SOX5: variants seen among roughly 807,000 people sequenced by gnomAD.
SOX5 encodes the protein SRY-box transcription factor 5, also known as transcription factor SOX-5.
SOX5 carries 9 observed loss-of-function variants against 92.0 expected under a neutral mutation model. That is an observed-to-expected ratio of 0.10 (90% CI 0.06 to 0.17). SOX5 has a LOEUF of 0.17. Ranked by LOEUF, SOX5 falls within the 10% of genes least tolerant of loss-of-function variation. The probability of loss-of-function intolerance (pLI) is 1.00; values close to 1 mark genes in which losing one functional copy is unlikely to be tolerated. For missense variants in SOX5, 642 were observed against 944.5 expected, an observed-to-expected ratio of 0.68 and a Z score of 4.20; for synonymous variants, 344 against 336.3, an observed-to-expected ratio of 1.02 and a Z score of -0.25.
chr12:24,058,301 G>A (rs1958325663), intron 4 of SOX5, among the ~76,000 whole-genome samples: 1 of 152,062 alleles, frequency 6.6e-6, no homozygotes, highest in Admixed American at 6.6e-5. Flanking sequence ...AATATTTTTT[G>A]TAGTTGTAGT....
intron 4 of SOX5, among the ~76,000 whole-genome samples, chr12:24,095,207 A>G (rs751232225): frequency 2.0e-5 from 3 of 151,430 alleles, no homozygotes; most frequent in Non-Finnish European, 2.9e-5. Context: ...TCCTTTCCTA[A>G]TTATTGCAGA....
At chr12:24,086,149 A>G (rs1943967439) in intron 4 of SOX5, among the ~76,000 whole-genome samples, 1 of 152,034 alleles carries the variant, frequency 6.6e-6, no homozygotes, top group Non-Finnish European at 1.5e-5. Context: ...CAGTGGAAGC[A>G]TTGGCAAACA....
chr12:24,091,286 AG>A (rs1944606200), intron 4 of SOX5, among the ~76,000 whole-genome samples: 1 of 152,158 alleles, frequency 6.6e-6, no homozygotes, highest in East Asian at 1.9e-4. Flanking sequence ...GTTATAACCA[AG>A]TTACGATATA....
At chr12:23,695,496 T>C (rs2089649420) in intron 6 of SOX5, among the ~76,000 whole-genome samples, 1 of 152,218 alleles carries the variant, frequency 6.6e-6, no homozygotes, top group South Asian at 2.1e-4. Context: ...GATGATTTTA[T>C]CTTAAATAAG....
At chr12:24,100,910 T>C (rs1340591726) in intron 4 of SOX5, among the ~76,000 whole-genome samples, 1 of 152,166 alleles carries the variant, frequency 6.6e-6, no homozygotes, top group Non-Finnish European at 1.5e-5. Flanking sequence ...GCAAGTCATG[T>C]CGGTTTTACC....
At chr12:24,431,800 C>T (rs1037880131) in intron 1 of SOX5, among the ~76,000 whole-genome samples, 1 of 152,100 alleles carries the variant, frequency 6.6e-6, no homozygotes. Context: ...GCTGCTGACA[C>T]CTGACTAAAA....
At chr12:24,535,308 T>C (rs1034610919) in intron 1 of SOX5, among the ~76,000 whole-genome samples, 3 of 152,214 alleles carry the variant, frequency 2.0e-5, no homozygotes, top group Non-Finnish European at 2.9e-5. Flanking sequence ...ACTGTAAACA[T>C]TGATGAAAAA....
intron 7 of SOX5, among the ~76,000 whole-genome samples, chr12:23,642,814 G>A (rs1432368559): frequency 4.5e-5 from 5 of 111,312 alleles, no homozygotes; most frequent in Non-Finnish European, 1.1e-4. Flanking sequence ...TGGGCCGGGC[G>A]CGGTGGCTCA....
At chr12:24,396,781 G>A (rs1960121920) in intron 1 of SOX5, among the ~76,000 whole-genome samples, 1 of 152,244 alleles carries the variant, frequency 6.6e-6, no homozygotes, top group African/African-American at 2.4e-5. Context: ...ACAGCTAGAA[G>A]ATTGGTGAGC....
At chr12:24,274,756 T>G (rs1242525218) in intron 3 of SOX5, among the ~76,000 whole-genome samples, 1 of 152,098 alleles carries the variant, frequency 6.6e-6, no homozygotes, top group Non-Finnish European at 1.5e-5. Flanking sequence ...CATCTTAGAG[T>G]TAGATTCTCA....
chr12:23,872,164 ATTTTTTTTTTTTTT>A (rs71059938), intron 2 of SOX5, among the ~76,000 whole-genome samples: 1 of 61,650 alleles, frequency 1.6e-5, no homozygotes, highest in Admixed American at 2.2e-4. Context: ...CGCCCGGCTA[ATTTTTTTTTTTTTT>A]TTTTTTTTTT....
intron 4 of SOX5, among the ~76,000 whole-genome samples, chr12:24,106,950 A>G (rs17408395): frequency 0.13 from 19,437 of 151,898 alleles, 1,713 homozygotes; most frequent in Non-Finnish European, 0.2. Context: ...CAATACAAAA[A>G]TCAAATGAGC....
At chr12:24,079,105 T>C (rs565452700) in intron 4 of SOX5, among the ~76,000 whole-genome samples, 11 of 151,130 alleles carry the variant, frequency 7.3e-5, no homozygotes, top group African/African-American at 2.7e-4. Flanking sequence ...TCACCTCACG[T>C]AGCAGCCAAA....
At chr12:24,105,674 A>T (rs780579699) in intron 4 of SOX5, among the ~76,000 whole-genome samples, 2 of 152,254 alleles carry the variant, frequency 1.3e-5, no homozygotes, top group Non-Finnish European at 2.9e-5. Context: ...TAACATATGT[A>T]GTTGATAAAC....
intron 4 of SOX5, among the ~76,000 whole-genome samples, chr12:24,074,630 CAAA>C (rs76320418): frequency 2.0e-5 from 1 of 51,274 alleles, no homozygotes; most frequent in Admixed American, 2.8e-4. Flanking sequence ...TGTAAACTAC[CAAA>C]AAAAAAAAAA....
rs1395223342 is a variant in SOX5, at chr12:23,874,792, T to G, written c.270+21001A>C. Among the ~76,000 whole-genome samples the G allele has an allele frequency of 2.0e-5, 3 of 152,104 alleles. No homozygotes were observed. In the East Asian group the frequency reaches 5.8e-4, roughly 29 times the overall value. ...GGGAAGTCCTGAGAGAAAGGATTAG[T>G]CTCATAAATCATGAAAAACTACCAC... On this transcript the variant is annotated intron_variant, in intron 2 of 14. Transcript: ENST00000451604.
At chr12:24,232,465 A>G (rs1335223379) in intron 3 of SOX5, among the ~76,000 whole-genome samples, 1 of 152,226 alleles carries the variant, frequency 6.6e-6, no homozygotes, top group Non-Finnish European at 1.5e-5. Flanking sequence ...TACTTTCAGG[A>G]TTCAATTAAC....
intron 1 of SOX5, among the ~76,000 whole-genome samples, chr12:24,421,439 A>C (rs1321638486): frequency 1.3e-5 from 2 of 152,368 alleles, no homozygotes; most frequent in Non-Finnish European, 2.9e-5. Context: ...CAATTATAAT[A>C]GACACTAAAC....
intron 6 of SOX5, among the ~76,000 whole-genome samples, chr12:23,688,598 T>TTATTTATTTTCTATAAGGGATTATA (rs2088102474): frequency 6.6e-6 from 1 of 152,064 alleles, no homozygotes; most frequent in African/African-American, 2.4e-5. Context: ...TATACCTCTC[T>TTATTTATTTTCTATAAGGGATTATA]CTATCCCTTA....
Sources: allele counts gnomAD v4.1 joint callset (sites outside exome capture counted in the v4.1 genomes callset), GRCh38; gene constraint gnomAD v4.1.1; transcripts MANE v1.5; gene names NCBI Gene and HGNC (gene_info 2026-07-23, HGNC 2026-07-21).